The following MYLK variants were observed in gnomAD, a reference collection of about 807,000 sequenced individuals.
MYLK encodes myosin light chain kinase, smooth muscle.
MYLK carries 106 observed loss-of-function variants against 203.4 expected under a neutral mutation model. That is an observed-to-expected ratio of 0.52 (90% CI 0.45 to 0.61). The LOEUF is 0.61. Among genes scored for constraint, MYLK ranks in the 20% least tolerant of loss-of-function variants. The pLI is 0.00. For missense variants in MYLK, 2,072 were observed against 2,442.3 expected (o/e 0.85, Z 3.20); for synonymous variants, 867 against 959.5 (o/e 0.90, Z 1.78).
chr3:123,853,989 G>A (rs1236546019), intron 2 of MYLK, among the ~76,000 whole-genome samples: 1 of 151,898 alleles, frequency 6.6e-6, no homozygotes, highest in Non-Finnish European at 1.5e-5. Flanking sequence ...CTTCTCTCTT[G>A]CTGCATTTGG....
At chr3:123,794,462 C>A (rs1321260857) in intron 3 of MYLK, among the ~76,000 whole-genome samples, 3 of 152,152 alleles carry the variant, frequency 2.0e-5, no homozygotes, top group Admixed American at 2.0e-4. Context: ...GAACAAGGCT[C>A]CAAGATCACA....
At chr3:123,785,452 T>C (rs2064476267) in intron 4 of MYLK, among the ~76,000 whole-genome samples, 1 of 152,182 alleles carries the variant, frequency 6.6e-6, no homozygotes, top group Non-Finnish European at 1.5e-5. Flanking sequence ...CTGTGGAAAA[T>C]TTGGGAGCAC....
At chr3:123,863,368 C>CAAAAAA (rs35039876) in intron 2 of MYLK, among the ~76,000 whole-genome samples, 3 of 29,878 alleles carry the variant, frequency 1.0e-4, no homozygotes, top group Admixed American at 2.7e-4. Context: ...ATAGCCTTGC[C>CAAAAAA]AAAAAAAAAA....
intron 4 of MYLK, among the ~76,000 whole-genome samples, chr3:123,778,011 AC>A (rs1341060344): frequency 6.6e-6 from 1 of 152,044 alleles, no homozygotes; most frequent in African/African-American, 2.4e-5. Context: ...TGCTATTCTT[AC>A]CCCAGGTTTA....
At chr3:123,620,102 A>AT (rs2057763328) in intron 32 of MYLK, 105 bp downstream of exon 32, 2 of 1,003,196 alleles carry the variant, frequency 2.0e-6, no homozygotes, top group East Asian at 2.4e-5. Context: ...TGCAGGGAAT[A>AT]TTAAAATAAA....
At chr3:123,865,230 A>G (rs2032246422) in intron 2 of MYLK, among the ~76,000 whole-genome samples, 1 of 152,238 alleles carries the variant, frequency 6.6e-6, no homozygotes, top group Admixed American at 6.5e-5. Flanking sequence ...CTTACATTCT[A>G]GCCTTATTCT....
intron 4 of MYLK, among the ~76,000 whole-genome samples, chr3:123,764,648 C>T (rs768994185): frequency 2.0e-4 from 30 of 152,310 alleles, no homozygotes; most frequent in Middle Eastern, 3.4e-3. Flanking sequence ...ATGTCTAGGA[C>T]GTGACAGCTG....
intron 29 of MYLK, among the ~76,000 whole-genome samples, chr3:123,636,179 T>C (rs757876276): frequency 6.6e-6 from 1 of 152,200 alleles, no homozygotes; most frequent in Non-Finnish European, 1.5e-5. Flanking sequence ...GAGAGACCAA[T>C]TGTCCTGGTT....
intron 4 of MYLK, among the ~76,000 whole-genome samples, chr3:123,787,656 C>T (rs928854606): frequency 4.6e-5 from 7 of 152,150 alleles, no homozygotes; most frequent in Non-Finnish European, 7.3e-5. Flanking sequence ...GGCTCCATCA[C>T]TTACTGGTGT....
intron 13 of MYLK, among the ~76,000 whole-genome samples, chr3:123,721,542 G>C (rs1376008324): frequency 1.3e-5 from 2 of 152,098 alleles, no homozygotes; most frequent in Non-Finnish European, 2.9e-5. Flanking sequence ...TGGAGACCAG[G>C]CTGCTGATGT....
At position 123,819,634 on chromosome 3, in the gene MYLK, T is replaced by G. The variant is rs372874221; in HGVS notation, c.-4+11914A>C. Among the ~76,000 whole-genome samples the G allele has an allele frequency of 5.0e-4, 76 of 152,306 alleles. No individual in the cohort carries two copies. In the South Asian group the frequency reaches 6.6e-3, roughly 13 times the overall value. On this transcript the variant is annotated intron_variant, in intron 3 of 33. Coordinates refer to ENST00000360304, the MANE Select transcript of MYLK (RefSeq NM_053025.4). The stretch of plus-strand genomic sequence containing the variant: ...CTTTCCCATAGTCTTTATCTTAAAA[T>G]GTCATCTACCCCTTCACATCCTAGC...
chr3:123,690,966 T>TA (rs368227201), intron 19 of MYLK, among the ~76,000 whole-genome samples: 32 of 149,552 alleles, frequency 2.1e-4, no homozygotes, highest in African/African-American at 4.9e-4. Flanking sequence ...CCCCAAACCT[T>TA]AAAAAAAAAA....
chr3:123,677,765 A>G (rs1422393165), intron 20 of MYLK, among the ~76,000 whole-genome samples: 1 of 151,652 alleles, frequency 6.6e-6, no homozygotes, highest in Non-Finnish European at 1.5e-5. Flanking sequence ...TTTGATTTCA[A>G]TAATTGCATT....
intron 4 of MYLK, among the ~76,000 whole-genome samples, chr3:123,784,958 T>C (rs1474952569): frequency 1.3e-5 from 2 of 152,260 alleles, no homozygotes; most frequent in Non-Finnish European, 2.9e-5. Flanking sequence ...ACTTCCATCC[T>C]GTTTCTTATA....
At chr3:123,797,033 A>C (rs1379621038) in intron 3 of MYLK, among the ~76,000 whole-genome samples, 1 of 152,240 alleles carries the variant, frequency 6.6e-6, no homozygotes, top group Non-Finnish European at 1.5e-5. Flanking sequence ...AGAACTGGTC[A>C]AATACAGTGG....
chr3:123,853,923 G>A (rs1230225149), intron 2 of MYLK, among the ~76,000 whole-genome samples: 1 of 152,030 alleles, frequency 6.6e-6, no homozygotes, highest in Non-Finnish European at 1.5e-5. Flanking sequence ...TGACTAACAG[G>A]ACATTAGCAC....
intron 3 of MYLK, among the ~76,000 whole-genome samples, chr3:123,806,954 C>T (rs751636763): frequency 1.3e-4 from 19 of 151,948 alleles, no homozygotes; most frequent in South Asian, 2.1e-4. Flanking sequence ...CGTGAACCAC[C>T]GTGCCTGGCC....
intron 31 of MYLK, chr3:123,622,573 G>A (rs1388482772): frequency 6.6e-6 from 1 of 152,168 alleles, no homozygotes; most frequent in Non-Finnish European, 1.5e-5. Context: ...CTAAAATGAA[G>A]CTATCAGAAT....
chr3:123,878,966 G>A (rs553631385), intron 1 of MYLK, among the ~76,000 whole-genome samples: 5 of 152,330 alleles, frequency 3.3e-5, no homozygotes, highest in South Asian at 4.1e-4. Flanking sequence ...GATTACAAGC[G>A]TGAACCACGG....
Sources: allele counts gnomAD v4.1 joint callset (sites outside exome capture counted in the v4.1 genomes callset), GRCh38; gene constraint gnomAD v4.1.1; transcripts MANE v1.5; gene names NCBI Gene and HGNC (gene_info 2026-07-23, HGNC 2026-07-21).